Variants in DMD observed in about 807,000 individuals in gnomAD.
DMD encodes the protein mutant dystrophin.
Under a neutral mutation model 330.1 loss-of-function variants are expected in DMD, and 63 were observed. That is an observed-to-expected ratio of 0.19 (90% CI 0.16 to 0.24). The LOEUF is 0.24. Ranked by LOEUF, DMD falls within the 10% of genes least tolerant of loss-of-function variation. The pLI, the probability that DMD is intolerant of heterozygous loss-of-function variation, is 1.00. For missense variants in DMD, 3,344 were observed against 2,684.1 expected (o/e 1.25, Z -5.43); for synonymous variants, 1,223 against 959.8 (o/e 1.27, Z -5.07).
chrX:31,151,137 A>T (rs966291883), intron 74 of DMD, among the ~76,000 whole-genome samples: 50 of 112,252 alleles, frequency 4.5e-4, no homozygotes, highest in African/African-American at 1.6e-3. Flanking sequence ...GCACCGATGT[A>T]TGTAACTGTC....
At chrX:32,656,803 T>C (rs969038610) in intron 9 of DMD, among the ~76,000 whole-genome samples, 1 of 111,851 alleles carries the variant, frequency 8.9e-6, no homozygotes, top group Non-Finnish European at 1.9e-5. Context: ...TTTGGGGTAA[T>C]TTTAATTTCT....
chrX:32,033,615 A>G (rs373948777), intron 44 of DMD, among the ~76,000 whole-genome samples: 8,151 of 64,036 alleles, frequency 0.13, 484 homozygotes, highest in East Asian at 0.2. Context: ...GAAAGAAAGA[A>G]AGAAAGAAAG....
intron 34 of DMD, among the ~76,000 whole-genome samples, chrX:32,366,312 T>C (rs772229347): frequency 1.8e-5 from 2 of 111,939 alleles, no homozygotes; most frequent in African/African-American, 6.5e-5. Context: ...TAGCCAGCTG[T>C]GGGACATTCA....
chrX:32,641,489 C>T, intron 11 of DMD: 1 of 137,364 alleles, frequency 7.3e-6, no homozygotes, highest in Non-Finnish European at 1.6e-5. Flanking sequence ...TAGGTTGGTA[C>T]AAAAGTAATT....
chrX:31,205,336 C>T (rs886678924), intron 66 of DMD, among the ~76,000 whole-genome samples: 1 of 111,819 alleles, frequency 8.9e-6, no homozygotes. Flanking sequence ...ATCTGCTCTC[C>T]GATATACATA....
intron 61 of DMD, among the ~76,000 whole-genome samples, chrX:31,326,060 T>C (rs1011248282): frequency 9.1e-5 from 10 of 110,073 alleles, no homozygotes; most frequent in African/African-American, 3.0e-4. Context: ...ACACTATTCT[T>C]AGGCGTCTCT....
Position 33,149,792 on chromosome X carries a change from TATCATTTA to T in DMD, c.31+61482_31+61489del, listed in dbSNP as rs2048192125. On this transcript the variant is annotated intron_variant, in intron 1 of 78. Transcript: ENST00000357033. ...CTGACCAGCTCATCTGCCAGCTGAG[TATCATTTA>T]GGGATCAAGTTGATACCACATAGAG... 9.9e-5 allele frequency among the ~76,000 whole-genome samples: 11 copies of T among 111,222 alleles called. No homozygotes were observed. In the Admixed American group the frequency reaches 1.1e-3, roughly 11 times the overall value.
chrX:31,933,276 G>A (rs1452745793), intron 45 of DMD, among the ~76,000 whole-genome samples: 1 of 111,551 alleles, frequency 9.0e-6, no homozygotes, highest in Non-Finnish European at 1.9e-5. Flanking sequence ...CTTCAGCTTG[G>A]TTTAAAATAA....
chrX:32,382,413 T>C (rs1439767711), intron 33 of DMD, among the ~76,000 whole-genome samples: 2 of 111,215 alleles, frequency 1.8e-5, no homozygotes, highest in Non-Finnish European at 3.8e-5. Context: ...AGAATCTATC[T>C]ATAAGCAAGA....
intron 2 of DMD, among the ~76,000 whole-genome samples, chrX:32,897,322 A>G (rs1178613605): frequency 8.9e-6 from 1 of 111,804 alleles, no homozygotes. Flanking sequence ...AGGAAGGAGA[A>G]GGAAGGAAGA....
chrX:32,886,662 G>A (rs776509057), intron 2 of DMD, among the ~76,000 whole-genome samples: 1 of 110,629 alleles, frequency 9.0e-6, no homozygotes, highest in Non-Finnish European at 1.9e-5. Context: ...CAGCCTGGGC[G>A]ACAGAGCAAG....
At chrX:32,441,861 T>C (rs935343092) in intron 27 of DMD, among the ~76,000 whole-genome samples, 1 of 111,615 alleles carries the variant, frequency 9.0e-6, no homozygotes, top group Non-Finnish European at 1.9e-5. Context: ...TTTTTTTAGA[T>C]AGACTACTTT....
At chrX:31,127,615 A>G (rs755201950) in intron 77 of DMD, among the ~76,000 whole-genome samples, 2 of 111,240 alleles carry the variant, frequency 1.8e-5, no homozygotes, top group East Asian at 5.7e-4. Flanking sequence ...AGCAGTTCAA[A>G]GCAGAGCTGT....
At chrX:32,408,678 A>AT (rs1213197069) in intron 30 of DMD, among the ~76,000 whole-genome samples, 2 of 111,667 alleles carry the variant, frequency 1.8e-5, no homozygotes, top group African/African-American at 3.2e-5. Context: ...AACTTCATAC[A>AT]TTTTTTCCTG....
At chrX:32,429,085 T>A (rs2098225101) in intron 29 of DMD, among the ~76,000 whole-genome samples, 1 of 111,285 alleles carries the variant, frequency 9.0e-6, no homozygotes, top group South Asian at 3.7e-4. Context: ...ATGTATTTCT[T>A]AAAAACAATG....
At chrX:33,273,732 A>C (rs2053194739) in intron 1 of DMD, among the ~76,000 whole-genome samples, 1 of 112,624 alleles carries the variant, frequency 8.9e-6, no homozygotes, top group East Asian at 2.8e-4. Flanking sequence ...TGAATCATCA[A>C]AACACTACAG....
At chrX:31,235,011 G>A (rs1417654220) in intron 63 of DMD, among the ~76,000 whole-genome samples, 1 of 111,265 alleles carries the variant, frequency 9.0e-6, no homozygotes, top group Non-Finnish European at 1.9e-5. Context: ...CATGGGGGAT[G>A]GTGGAGGATG....
intron 34 of DMD, among the ~76,000 whole-genome samples, chrX:32,374,296 CTTTAA>C (rs767875553): frequency 1.8e-5 from 2 of 111,377 alleles, no homozygotes; most frequent in African/African-American, 3.3e-5. Context: ...TGTACAGAAG[CTTTAA>C]TTTAATTAAC....
At chrX:32,333,433 T>A (rs1169037656) in intron 41 of DMD, among the ~76,000 whole-genome samples, 2 of 111,630 alleles carry the variant, frequency 1.8e-5, no homozygotes, top group East Asian at 5.6e-4. Context: ...GTCTTCTGGC[T>A]TCTATCATTG....
Sources: gnomAD v4.1 joint callset for allele counts (sites outside exome capture counted in the v4.1 genomes callset) on GRCh38, gnomAD v4.1.1 for gene constraint, MANE v1.5 for transcripts, NCBI Gene and HGNC (gene_info 2026-07-23, HGNC 2026-07-21) for gene names.